The following RUNX1 variants were observed in gnomAD, a reference collection of about 807,000 sequenced individuals.
RUNX1 encodes the protein RUNX family transcription factor 1, also known as runt-related transcription factor 1.
In RUNX1, 19 loss-of-function variants were observed where a neutral mutation model predicts 42.8. The observed-to-expected ratio is 0.44, with a 90% CI of 0.31 to 0.65. The LOEUF (loss-of-function observed/expected upper bound fraction) is 0.65, where lower values mean the gene tolerates loss of function less well. RUNX1 is among the 30% of genes least tolerant of loss of function. The pLI is 0.07. For synonymous variants in RUNX1, 271 were observed against 289.4 expected (o/e 0.94, Z 0.64); for missense variants, 528 against 672.0 (o/e 0.79, Z 2.37).
intron 5 of RUNX1, among the ~76,000 whole-genome samples, chr21:34,864,051 GAGACCCAGC>G (rs1034031036): frequency 6.6e-6 from 1 of 152,192 alleles, no homozygotes; most frequent in African/African-American, 2.4e-5. Flanking sequence ...TTCTTCCAAT[GAGACCCAGC>G]AGAGCCTTGA....
intron 5 of RUNX1, among the ~76,000 whole-genome samples, chr21:34,865,762 TCAC>T (rs2057652775): frequency 6.6e-6 from 1 of 152,186 alleles, no homozygotes; most frequent in Non-Finnish European, 1.5e-5. Flanking sequence ...CTCCACTTCC[TCAC>T]CACATCTGGG....
At chr21:34,949,452 G>C (rs1316244332) in intron 2 of RUNX1, among the ~76,000 whole-genome samples, 1 of 152,254 alleles carries the variant, frequency 6.6e-6, no homozygotes, top group Non-Finnish European at 1.5e-5. Context: ...TAAAAGCAGA[G>C]ATGCAACCTT....
intron 5 of RUNX1, among the ~76,000 whole-genome samples, chr21:34,868,664 C>T (rs912954036): frequency 2.6e-4 from 40 of 152,244 alleles, no homozygotes; most frequent in African/African-American, 9.4e-4. Flanking sequence ...TCACCAGGTT[C>T]TGTACCTCTG....
intron 2 of RUNX1, among the ~76,000 whole-genome samples, chr21:34,942,942 C>T (rs980273239): frequency 5.9e-5 from 9 of 152,166 alleles, no homozygotes; most frequent in African/African-American, 2.2e-4. Flanking sequence ...AACTGTGAAC[C>T]CTGAAGTCAA....
At chr21:34,923,166 T>G (rs1392245401) in intron 2 of RUNX1, among the ~76,000 whole-genome samples, 3 of 152,224 alleles carry the variant, frequency 2.0e-5, no homozygotes, top group African/African-American at 7.2e-5. Flanking sequence ...GGCTTATCCT[T>G]GGCCGTTAGG....
chr21:34,801,261 G>A (rs1461041589), intron 7 of RUNX1, among the ~76,000 whole-genome samples: 1 of 152,090 alleles, frequency 6.6e-6, no homozygotes, highest in Non-Finnish European at 1.5e-5. Flanking sequence ...CCCCCGGGGT[G>A]TGAACTGCAG....
intron 7 of RUNX1, among the ~76,000 whole-genome samples, chr21:34,820,130 ACCTGTCGGTCT>A (rs1305988866): frequency 1.3e-5 from 2 of 152,166 alleles, no homozygotes; most frequent in Non-Finnish European, 2.9e-5. Context: ...TCAGGAAGTG[ACCTGTCGGTCT>A]CCTGTAGCTG....
chr21:34,928,678 T>C (rs1050539033), intron 2 of RUNX1, among the ~76,000 whole-genome samples: 19 of 140,922 alleles, frequency 1.3e-4, no homozygotes, highest in African/African-American at 5.8e-4. Flanking sequence ...CGACTCCATC[T>C]TAAAAAAAAA....
At chr21:34,930,299 T>TATATATATATATATATATATAA (rs1297231112) in intron 2 of RUNX1, among the ~76,000 whole-genome samples, 1 of 143,712 alleles carries the variant, frequency 7.0e-6, no homozygotes, top group African/African-American at 2.6e-5. Context: ...TATAAATAAA[T>TATATATATATATATATATATAA]AAATAAAATT....
In RUNX1 at chr21:34,821,742, C is replaced by G. The variant is rs1166155557; in HGVS notation, c.805+12668G>C. ...CAGGGAGAAAGTTCGAAAATAAGGA[C>G]AATTCTTTATAGAGCCGCGAATGCA... On this transcript the variant is annotated intron_variant, in intron 7 of 8. Transcript: ENST00000675419. 4.6e-6 allele frequency: 7 copies of G among 1,525,604 alleles called. 1 individual carries two copies. Among genetic ancestry groups the G allele is most frequent in the Non-Finnish European group, 5.3e-6 (6 of 1,124,856 alleles). The allele number at this position is 1,525,604 out of a possible 1,614,324, so 94.5% of individuals were successfully genotyped here.
At chr21:34,992,681 A>G (rs1407372335) in intron 2 of RUNX1, among the ~76,000 whole-genome samples, 1 of 151,708 alleles carries the variant, frequency 6.6e-6, no homozygotes, top group Non-Finnish European at 1.5e-5. Flanking sequence ...ATATAAAAAA[A>G]AAAAAAAGAA....
chr21:34,827,004 G>A (rs552410762), intron 7 of RUNX1, among the ~76,000 whole-genome samples: 1 of 152,292 alleles, frequency 6.6e-6, no homozygotes, highest in East Asian at 1.9e-4. Flanking sequence ...TTAGAACTAG[G>A]GGAAGTCTAA....
intron 2 of RUNX1, among the ~76,000 whole-genome samples, chr21:34,910,896 A>G (rs889484478): frequency 4.6e-5 from 7 of 151,626 alleles, no homozygotes. Context: ...TCAACCTCCC[A>G]AGTAGCTAGG....
chr21:34,990,842 C>T (rs961820617), intron 2 of RUNX1, among the ~76,000 whole-genome samples: 3 of 152,098 alleles, frequency 2.0e-5, no homozygotes, highest in African/African-American at 4.8e-5. Flanking sequence ...CCACCCGCCT[C>T]GGCCTTCCAA....
chr21:35,034,812 A>G (rs1402249472), intron 2 of RUNX1, among the ~76,000 whole-genome samples: 1 of 152,150 alleles, frequency 6.6e-6, no homozygotes, highest in Non-Finnish European at 1.5e-5. Flanking sequence ...TGACCATGGG[A>G]GCTGAGTAAT....
intron 3 of RUNX1, chr21:34,889,581 G>T: frequency 1.2e-6 from 1 of 836,658 alleles, no homozygotes; most frequent in Non-Finnish European, 1.5e-6. Context: ...CGGACAGCCT[G>T]CCCGGGCCCC....
intron 2 of RUNX1, among the ~76,000 whole-genome samples, chr21:34,927,789 C>T (rs187187554): frequency 3.2e-4 from 49 of 152,290 alleles, no homozygotes; most frequent in South Asian, 8.3e-4. Context: ...GGACACAAAT[C>T]AAACTGTATA....
At chr21:35,004,089 G>A (rs2146886183) in intron 2 of RUNX1, among the ~76,000 whole-genome samples, 1 of 152,274 alleles carries the variant, frequency 6.6e-6, no homozygotes, top group Non-Finnish European at 1.5e-5. Flanking sequence ...AGAAAATAAA[G>A]GGATGAGAAA....
At chr21:34,918,053 G>A (rs755633983) in intron 2 of RUNX1, among the ~76,000 whole-genome samples, 30 of 151,034 alleles carry the variant, frequency 2.0e-4, no homozygotes, top group Non-Finnish European at 3.4e-4. Context: ...GATTGAATCC[G>A]GGAGGCGGAG....
Sources: allele counts gnomAD v4.1 joint callset (sites outside exome capture counted in the v4.1 genomes callset), GRCh38; gene constraint gnomAD v4.1.1; transcripts MANE v1.5; gene names NCBI Gene and HGNC (gene_info 2026-07-23, HGNC 2026-07-21).